Variants in GLDN observed in about 807,000 individuals in gnomAD.
The protein encoded by GLDN is gliomedin, also known as collomin.
GLDN carries 47 observed loss-of-function variants against 56.5 expected under a neutral mutation model. The observed-to-expected ratio is 0.83, with a 90% CI of 0.66 to 1.06. GLDN has a LOEUF of 1.06. Among genes scored for constraint, GLDN ranks in the 50% least tolerant of loss-of-function variants. GLDN has a pLI of 0.00. For synonymous variants in GLDN, 332 were observed against 278.8 expected (o/e 1.19, Z -1.90); for missense variants, 782 against 714.3 (o/e 1.09, Z -1.08).
At chr15:51,343,022 T>G (rs2036913982) in intron 1 of GLDN, among the ~76,000 whole-genome samples, 1 of 152,258 alleles carries the variant, frequency 6.6e-6, no homozygotes, top group Non-Finnish European at 1.5e-5. Context: ...CAGTTCCCCA[T>G]TCCATTTCAT....
chr15:51,365,750 T>C (rs1401891219), intron 1 of GLDN, among the ~76,000 whole-genome samples: 2 of 152,212 alleles, frequency 1.3e-5, no homozygotes, highest in East Asian at 3.8e-4. Context: ...TTCATTTTCA[T>C]GCAGTCAAAT....
intron 1 of GLDN, chr15:51,351,340 G>A (rs2037073068): frequency 6.5e-6 from 1 of 153,010 alleles, no homozygotes; most frequent in African/African-American, 2.4e-5. Flanking sequence ...CTATTTCACT[G>A]CCTTTCCCTC....
chr15:51,373,851 C>T (rs1355556282), intron 1 of GLDN, among the ~76,000 whole-genome samples: 1 of 152,208 alleles, frequency 6.6e-6, no homozygotes, highest in Non-Finnish European at 1.5e-5. Context: ...TCCCTCAAGA[C>T]TTAAGAGGCC....
rs138083452 is a variant in GLDN, at chr15:51,348,963, G to A, written c.363+6916G>A. ...GTTGCTATTACTGATTGAGGTCGAT[G>A]TGGTTTTTTGCAATGGGTTTGGTTT... On this transcript the variant is annotated intron_variant, in intron 1 of 9. Transcript: ENST00000335449. Among the ~76,000 whole-genome samples, 1,100 of 152,230 alleles carry A rather than the reference G, an allele frequency of 7.2e-3. 16 individuals carry two copies. The highest frequency in any genetic ancestry group is 7.5e-3 in the Non-Finnish European group (513 of 68,016).
At chr15:51,356,542 A>G (rs1399614274) in intron 1 of GLDN, among the ~76,000 whole-genome samples, 5 of 152,230 alleles carry the variant, frequency 3.3e-5, no homozygotes, top group Non-Finnish European at 5.9e-5. Flanking sequence ...TTCTCCATGT[A>G]AGAGGACTTT....
chr15:51,400,559 T>G, intron 8 of GLDN, 61 bp downstream of exon 8: 2 of 1,546,170 alleles, frequency 1.3e-6, no homozygotes, highest in Non-Finnish European at 1.8e-6. Context: ...ATCTGTTGCC[T>G]ACCTTTGGGC....
At position 51,391,032 on chromosome 15, in the gene GLDN, G is replaced by A. The variant is rs1394891817; in HGVS notation, c.542-3803G>A. ...CATATCACGGCGAAAGCACAGCCAGGGCAATTTTACTGACAAAGACGAGGG... is the reference window on the plus strand; with the variant it reads ...CATATCACGGCGAAAGCACAGCCAGAGCAATTTTACTGACAAAGACGAGGG... On this transcript the variant is annotated intron_variant, in intron 4 of 9. Transcript: ENST00000335449. Among the ~76,000 whole-genome samples the A allele has an allele frequency of 2.6e-5, 4 of 152,288 alleles. No homozygotes were observed. In the East Asian group the frequency reaches 7.7e-4, roughly 29 times the overall value.
At chr15:51,360,143 A>G (rs761899638) in intron 1 of GLDN, 4 of 152,216 alleles carry the variant, frequency 2.6e-5, no homozygotes, top group Non-Finnish European at 4.4e-5. Context: ...ACTCTATTGA[A>G]TTTGGCAACT....
chr15:51,392,233 T>C (rs969414475), intron 4 of GLDN, among the ~76,000 whole-genome samples: 1 of 152,180 alleles, frequency 6.6e-6, no homozygotes, highest in Non-Finnish European at 1.5e-5. Flanking sequence ...CATGACCTGT[T>C]AGGAACTGGG....
At chr15:51,367,175 T>C (rs182447912) in intron 1 of GLDN, among the ~76,000 whole-genome samples, 2 of 152,168 alleles carry the variant, frequency 1.3e-5, no homozygotes, top group Admixed American at 6.5e-5. Context: ...CCCCTTGACC[T>C]GGGGTTGGAT....
intron 2 of GLDN, among the ~76,000 whole-genome samples, chr15:51,378,365 G>T (rs1566943789): frequency 1.3e-5 from 2 of 152,184 alleles, no homozygotes; most frequent in Non-Finnish European, 2.9e-5. Context: ...GAACAGCTTG[G>T]TCCTTTACTC....
At chr15:51,377,575 C>A (rs987868848) in intron 2 of GLDN, 75 bp downstream of exon 2, 1 of 1,049,180 alleles carries the variant, frequency 9.5e-7, no homozygotes, top group African/African-American at 1.6e-5. Flanking sequence ...AGAATGAACG[C>A]CTAGGGACAC....
chr15:51,357,716 C>T (rs1170352465), intron 1 of GLDN, among the ~76,000 whole-genome samples: 2 of 152,218 alleles, frequency 1.3e-5, no homozygotes, highest in Non-Finnish European at 1.5e-5. Context: ...CAGCCAGAAG[C>T]CTCTACTCTG....
intron 1 of GLDN, among the ~76,000 whole-genome samples, chr15:51,357,894 G>T (rs1438493792): frequency 6.6e-6 from 1 of 152,046 alleles, no homozygotes; most frequent in Non-Finnish European, 1.5e-5. Context: ...TGCCCATGGT[G>T]CCCCCATGGG....
At chr15:51,388,405 G>T (rs76196752) in intron 4 of GLDN, among the ~76,000 whole-genome samples, 1,756 of 152,150 alleles carry the variant, frequency 0.012, 34 homozygotes, top group African/African-American at 0.041. Context: ...ATCACCCCCT[G>T]GTGATTATTC....
intron 1 of GLDN, among the ~76,000 whole-genome samples, chr15:51,342,646 C>G (rs150955108): frequency 1.5e-4 from 23 of 152,310 alleles, no homozygotes; most frequent in South Asian, 6.2e-4. Flanking sequence ...CCCTGGATCT[C>G]AAGCAATTCC....
At chr15:51,411,010 A>G (rs2038459109), downstream of GLDN, among the ~76,000 whole-genome samples, 1 of 152,194 alleles carries the variant, frequency 6.6e-6, no homozygotes, top group Non-Finnish European at 1.5e-5. Context: ...TTGGTGATCA[A>G]CTGGCATGGT....
chr15:51,353,726 A>C (rs1411235999), intron 1 of GLDN, among the ~76,000 whole-genome samples: 2 of 146,508 alleles, frequency 1.4e-5, no homozygotes, highest in Non-Finnish European at 3.0e-5. Context: ...AAAAAAAAAA[A>C]AAAAAAAACC....
intron 1 of GLDN, among the ~76,000 whole-genome samples, chr15:51,352,423 A>G (rs897161613): frequency 6.6e-6 from 1 of 152,112 alleles, no homozygotes; most frequent in Non-Finnish European, 1.5e-5. Context: ...AAATATTCAG[A>G]CCATGGCACT....
Sources: gnomAD v4.1 joint callset for allele counts (sites outside exome capture counted in the v4.1 genomes callset) on GRCh38, gnomAD v4.1.1 for gene constraint, MANE v1.5 for transcripts, NCBI Gene and HGNC (gene_info 2026-07-23, HGNC 2026-07-21) for gene names.